Variants in CPS1 observed in about 807,000 individuals in gnomAD.
The protein encoded by CPS1 is carbamoyl-phosphate synthase [ammonia], mitochondrial.
A neutral mutation model predicts 174.6 loss-of-function variants in CPS1; 109 were observed. That is an observed-to-expected ratio of 0.62 (90% CI 0.53 to 0.73). The LOEUF (loss-of-function observed/expected upper bound fraction) is 0.73, where lower values mean the gene tolerates loss of function less well. CPS1 is among the 30% of genes least tolerant of loss of function. The probability of loss-of-function intolerance (pLI) is 0.00; values close to 1 mark genes in which losing one functional copy is unlikely to be tolerated. For synonymous variants in CPS1, 637 were observed against 632.0 expected, an observed-to-expected ratio of 1.01 and a Z score of -0.12; for missense variants, 1,689 against 1,821.9, an observed-to-expected ratio of 0.93 and a Z score of 1.33.
At chr2:210,628,383 C>A (rs2887914) in intron 21 of CPS1, among the ~76,000 whole-genome samples, 60,505 of 152,004 alleles carry the variant, frequency 0.4, 12,941 homozygotes, top group Middle Eastern at 0.49. Context: ...TTAATTCTAG[C>A]ATTTTCCCAC....
chr2:210,576,525 T>C, intron 3 of CPS1, 35 bp downstream of exon 3: 1 of 1,612,024 alleles, frequency 6.2e-7, no homozygotes, highest in Non-Finnish European at 8.5e-7. Flanking sequence ...AAAGTCTCAA[T>C]TTGAGGGAGT....
rs764967237 is a variant in CPS1 at position 210,616,437 on chromosome 2, C to G, written c.2583C>G (p.Asn861Lys). 3.7e-6 allele frequency: 6 copies of G among 1,610,664 alleles called. No individual in the cohort carries two copies. The South Asian group carries it at 6.6e-5, about 18-fold the overall frequency. Residue 861 changes from asparagine (N) to lysine (K), a missense_variant, in exon 21 of 38, where the codon AAC (asparagine) becomes AAG (lysine). Transcript: ENST00000233072. ...CCTCTTGGCAGGCCATTGATGACAA[C>G]ATGTCCCTTGATGAGATTGAGAAGC... is the stretch of plus-strand genomic sequence containing the variant. ...IYAIAKAIDD[N>K]MSLDEIEKLT...
chr2:210,673,120 A>G (rs1248251957), intron 34 of CPS1: 2 of 152,256 alleles, frequency 1.3e-5, no homozygotes, highest in African/African-American at 4.8e-5. Flanking sequence ...AACAGGTTAC[A>G]AGACATTTGC....
chr2:210,632,924 T>G (rs762762857), intron 21 of CPS1, among the ~76,000 whole-genome samples: 2 of 152,202 alleles, frequency 1.3e-5, no homozygotes, highest in Non-Finnish European at 2.9e-5. Flanking sequence ...TTTAAAAATA[T>G]TGTATTCTGT....
intron 1 of CPS1, among the ~76,000 whole-genome samples, chr2:210,515,436 T>C (rs778589116): frequency 5.9e-5 from 9 of 151,652 alleles, no homozygotes; most frequent in Non-Finnish European, 1.2e-4. Context: ...TGTTAGTAGA[T>C]TGTGTGTTTC....
chr2:210,675,514 A>C (rs1701496049), intron 35 of CPS1, among the ~76,000 whole-genome samples: 1 of 152,180 alleles, frequency 6.6e-6, no homozygotes, highest in Admixed American at 6.5e-5. Context: ...AATGCAAATA[A>C]AATTGAGGTT....
chr2:210,589,563 C>A (rs548387817), intron 7 of CPS1, among the ~76,000 whole-genome samples: 1 of 152,138 alleles, frequency 6.6e-6, no homozygotes, highest in Non-Finnish European at 1.5e-5. Flanking sequence ...TCCTGTCAGT[C>A]CAGTCATGGC....
intron 1 of CPS1, among the ~76,000 whole-genome samples, chr2:210,512,342 C>G (rs1695517361): frequency 6.6e-6 from 1 of 151,044 alleles, no homozygotes; most frequent in South Asian, 2.1e-4. Context: ...TTTTCCAATC[C>G]TTGTCCCCAT....
intron 5 of CPS1, among the ~76,000 whole-genome samples, chr2:210,580,241 T>C (rs559651092): frequency 6.6e-6 from 1 of 152,286 alleles, no homozygotes; most frequent in African/African-American, 2.4e-5. Context: ...ATGCATTATC[T>C]TTCATGAATG....
chr2:210,527,982 TTGG>T (rs1696019480), intron 1 of CPS1, among the ~76,000 whole-genome samples: 1 of 151,904 alleles, frequency 6.6e-6, no homozygotes, highest in Non-Finnish European at 1.5e-5. Flanking sequence ...CTTGCATTTA[TTGG>T]TGTTCTTAGG....
chr2:210,480,729 A>G (rs898066937), intron 1 of CPS1, among the ~76,000 whole-genome samples: 17 of 152,130 alleles, frequency 1.1e-4, no homozygotes, highest in Admixed American at 3.3e-4. Context: ...CTTTTCTCCT[A>G]AGTACCACTT....
In CPS1 at chr2:210,592,929, G is replaced by C. The variant is rs142316402; in HGVS notation, c.1137G>C (p.Glu379Asp). 6.2e-7 allele frequency: 1 copy of C among 1,612,402 alleles called. No individual in the cohort carries two copies. Among genetic ancestry groups the C allele is most frequent in the African/African-American group, 1.3e-5 (1 of 74,856 alleles). The change falls in exon 11 of 38, where the codon GAG (glutamate) becomes GAC (aspartate). Residue 379 changes from glutamate to aspartate, a missense_variant. Physicochemically the swap from Glu to Asp is conservative, Grantham distance 45 (BLOSUM62 2). Coordinates refer to ENST00000233072, the MANE Select transcript of CPS1 (RefSeq NM_001875.5). ...KPFFAVQFHP[E>D]VTPGPIDTEY... ...TCTTCGCTGTGCAGTTCCACCCAGA[G>C]GTCACCCCGGGGCCAATAGACACTG...
chr2:210,506,167 G>T (rs1377982894), intron 1 of CPS1, among the ~76,000 whole-genome samples: 1 of 152,104 alleles, frequency 6.6e-6, no homozygotes, highest in African/African-American at 2.4e-5. Context: ...ACATGGCCGG[G>T]TACTCCTCTG....
chr2:210,535,007 C>T (rs905422779), intron 1 of CPS1, among the ~76,000 whole-genome samples: 4 of 152,130 alleles, frequency 2.6e-5, no homozygotes, highest in Admixed American at 6.5e-5. Flanking sequence ...CCTGCCTAGG[C>T]CTCTGGACTA....
chr2:210,634,150 G>A lies in CPS1; in HGVS notation c.2688-3552G>A, dbSNP rs536741377. On this transcript the variant is annotated intron_variant, in intron 21 of 37. Transcript: ENST00000233072. ...ACAACAATAACAAAAAAAAATCTTC[G>A]CCAGGCGCGGTGGCTCACGCCTGTA... 2.0e-3 allele frequency among the ~76,000 whole-genome samples: 309 copies of A among 152,314 alleles called. 1 individual carries two copies. Among genetic ancestry groups the A allele is most frequent in the African/African-American group, 7.1e-3 (294 of 41,574 alleles).
At chr2:210,522,479 G>A (rs13405091) in intron 1 of CPS1, among the ~76,000 whole-genome samples, 91,523 of 151,674 alleles carry the variant, frequency 0.6, 28,158 homozygotes, top group South Asian at 0.68. Flanking sequence ...CAAGAGAATT[G>A]CATTTTCATT....
intron 1 of CPS1, among the ~76,000 whole-genome samples, chr2:210,509,116 A>G (rs1352616088): frequency 6.6e-5 from 10 of 152,236 alleles, no homozygotes; most frequent in South Asian, 2.1e-4. Flanking sequence ...ATGAACATCA[A>G]TGCAAAAATC....
chr2:210,576,226 A>C, intron 2 of CPS1, 120 bp from the exon 3 acceptor site: 1 of 1,098,728 alleles, frequency 9.1e-7, no homozygotes, highest in South Asian at 1.3e-5. Context: ...TAAAATCTAG[A>C]GACATTCTTG....
In CPS1 at chr2:210,660,211, G is replaced by T. The variant is rs573447803; in HGVS notation, c.3757-274G>T. On this transcript the variant is annotated intron_variant, in intron 31 of 37. Transcript: ENST00000233072. ...CATCCAGTGAAGGTTTTCAGGAGGG[G>T]TATGGCATTATTTGAGCTCTGCATT... 7.9e-5 allele frequency among the ~76,000 whole-genome samples: 12 copies of T among 152,222 alleles called. No homozygotes were observed. In the East Asian group the frequency reaches 2.1e-3, roughly 27 times the overall value.
Sources: allele counts gnomAD v4.1 joint callset (sites outside exome capture counted in the v4.1 genomes callset), GRCh38; gene constraint gnomAD v4.1.1; transcripts MANE v1.5; gene names NCBI Gene and HGNC (gene_info 2026-07-23, HGNC 2026-07-21).